COL4A6: variants seen among roughly 807,000 people sequenced by gnomAD.
The protein encoded by COL4A6 is collagen alpha-6(IV) chain.
In COL4A6, 59 loss-of-function variants were observed where a neutral mutation model predicts 126.7. The ratio of observed to expected loss-of-function variants is 0.47; its 90% CI spans 0.38 to 0.58. The LOEUF is 0.58. Among genes scored for constraint, COL4A6 ranks in the 20% least tolerant of loss-of-function variants. The pLI, the probability that COL4A6 is intolerant of heterozygous loss-of-function variation, is 0.00. For missense variants in COL4A6, 1,285 were observed against 1,337.3 expected, an observed-to-expected ratio of 0.96 and a Z score of 0.61; for synonymous variants, 547 against 496.6, an observed-to-expected ratio of 1.10 and a Z score of -1.35.
rs960104278 is a variant in COL4A6 at position 108,190,573 on chromosome X, A to G, written c.1322-77T>C. The G allele has an allele frequency of 1.8e-5, 11 of 594,828 alleles. No individual in the cohort carries two copies. The Admixed American group carries it at 2.3e-4, about 12-fold the overall frequency. The allele number at this position is 594,828 out of a possible 1,213,427, so 49.0% of individuals were successfully genotyped here. ...TTCCCTGACTCAACACAGCAGCTCA[A>G]TCACCAAGGCCCAAGTCCTTGAGGC... On this transcript the variant is annotated intron_variant, in intron 19 of 44. Transcript: ENST00000334504.
intron 3 of COL4A6, among the ~76,000 whole-genome samples, chrX:108,304,406 C>T (rs1293228597): frequency 9.0e-6 from 1 of 111,344 alleles, no homozygotes; most frequent in Non-Finnish European, 1.9e-5. Flanking sequence ...ACAAAGACCC[C>T]TGATTTTCTA....
chrX:108,437,189 T>C (rs1276773597), intron 2 of COL4A6, among the ~76,000 whole-genome samples: 1 of 112,225 alleles, frequency 8.9e-6, no homozygotes, highest in Non-Finnish European at 1.9e-5. Flanking sequence ...CTTTGTGAAA[T>C]TATCCTAGTA....
chrX:108,430,579 A>T (rs1488224778), intron 2 of COL4A6, among the ~76,000 whole-genome samples: 3 of 111,967 alleles, frequency 2.7e-5, no homozygotes. Context: ...AAAACCAGTC[A>T]GGAGGCTACT....
intron 2 of COL4A6, among the ~76,000 whole-genome samples, chrX:108,392,991 G>T (rs2040870825): frequency 8.9e-6 from 1 of 111,998 alleles, no homozygotes; most frequent in Admixed American, 9.5e-5. Flanking sequence ...GATAACAAGT[G>T]CTGACAAAGA....
intron 3 of COL4A6, among the ~76,000 whole-genome samples, chrX:108,269,769 A>G (rs1015959173): frequency 3.6e-5 from 4 of 112,042 alleles, no homozygotes; most frequent in Admixed American, 2.8e-4. Context: ...TCTTTTAAAA[A>G]TCAATTTTTA....
At position 108,323,524 on chromosome X, in the gene COL4A6, CA is replaced by C. The variant is rs1174785013; in HGVS notation, c.64-12697del. Among the ~76,000 whole-genome samples the C allele has an allele frequency of 7.2e-5, 8 of 111,868 alleles. No individual in the cohort carries two copies. In the Admixed American group the frequency reaches 7.6e-4, roughly 11 times the overall value. Reference sequence around the variant, plus strand: ...TTTAAGCATGATATTTAAGGGCACTCAAAATTAGGCTCAACCTACCATTGCA... The same window carrying C: ...TTTAAGCATGATATTTAAGGGCACTCAAATTAGGCTCAACCTACCATTGCA... On this transcript the variant is annotated intron_variant, in intron 2 of 44. Transcript: ENST00000334504.
chrX:108,378,443 T>G (rs777362107), intron 2 of COL4A6, among the ~76,000 whole-genome samples: 4 of 112,272 alleles, frequency 3.6e-5, no homozygotes, highest in Non-Finnish European at 7.5e-5. Context: ...ATTGTATATA[T>G]GAGATACCCT....
In COL4A6 at chrX:108,170,168, G is replaced by A. The variant is rs2034259337; in HGVS notation, c.3494-152C>T. The A allele has an allele frequency of 8.3e-6, 4 of 484,500 alleles. No individual in the cohort carries two copies. In the Admixed American group the frequency reaches 1.5e-4, roughly 18 times the overall value. The allele number at this position is 484,500 out of a possible 1,213,427, so 39.9% of individuals were successfully genotyped here. On this transcript the variant is annotated intron_variant, in intron 35 of 44. Coordinates refer to ENST00000334504, the MANE Select transcript of COL4A6 (RefSeq NM_033641.4). ...ATTTACTTAATGCCCTAAGGGAGAA[G>A]AAAACACTCCCAACCTATATCCTAC...
At chrX:108,436,899 TAATAGTATTTAA>T (rs1251159453) in intron 2 of COL4A6, among the ~76,000 whole-genome samples, 1 of 111,732 alleles carries the variant, frequency 8.9e-6, no homozygotes, top group African/African-American at 3.3e-5. Flanking sequence ...TATGGCCCTA[TAATAGTATTTAA>T]AAATATTTAA....
chrX:108,172,410 G>T, intron 32 of COL4A6, 59 bp downstream of exon 32: 1 of 694,850 alleles, frequency 1.4e-6, no homozygotes, highest in South Asian at 2.8e-5. Context: ...CCTTGGGCCT[G>T]CTAGAAATCT....
intron 2 of COL4A6, among the ~76,000 whole-genome samples, chrX:108,372,677 C>T (rs2040354617): frequency 9.0e-6 from 1 of 111,610 alleles, no homozygotes; most frequent in East Asian, 2.8e-4. Context: ...TAAGGAGGAG[C>T]TAAAGAGTCC....
chrX:108,183,798 A>G, intron 23 of COL4A6: 1 of 900,192 alleles, frequency 1.1e-6, no homozygotes, highest in East Asian at 4.2e-5. Flanking sequence ...GAAGAAGAAA[A>G]TTAAACTAGG....
chrX:108,253,509 GTCT>G (rs2036909190), intron 3 of COL4A6, among the ~76,000 whole-genome samples: 1 of 111,662 alleles, frequency 9.0e-6, no homozygotes, highest in Non-Finnish European at 1.9e-5. Flanking sequence ...TAATATCCTG[GTCT>G]TCTTCTATCA....
At chrX:108,342,226 A>G (rs187135388) in intron 2 of COL4A6, among the ~76,000 whole-genome samples, 28 of 112,492 alleles carry the variant, frequency 2.5e-4, no homozygotes, top group Non-Finnish European at 3.0e-4. Flanking sequence ...TGCTACACAC[A>G]TAAAGCAACC....
chrX:108,210,055 T>C lies in COL4A6; in HGVS notation c.511-51A>G, dbSNP rs770174154. The C allele has an allele frequency of 6.2e-6, 7 of 1,132,390 alleles. No individual in the cohort carries two copies. In the African/African-American group the frequency reaches 1.3e-4, roughly 20 times the overall value. The allele number at this position is 1,132,390 out of a possible 1,213,427, so 93.3% of individuals were successfully genotyped here. On this transcript the variant is annotated intron_variant, in intron 7 of 44. Coordinates refer to ENST00000334504, the MANE Select transcript of COL4A6 (RefSeq NM_033641.4). ...AGAGTTTAATAAATTAAGCCTGCAA[T>C]ATTTCAGATAACTAACCTAACATTT...
chrX:108,231,188 C>T (rs1162477936), intron 3 of COL4A6, among the ~76,000 whole-genome samples: 1 of 112,029 alleles, frequency 8.9e-6, no homozygotes, highest in Non-Finnish European at 1.9e-5. Flanking sequence ...ATCAGAGTCT[C>T]CCCCTCAACA....
At chrX:108,177,334 G>A (rs888033015) in intron 27 of COL4A6, among the ~76,000 whole-genome samples, 7 of 112,217 alleles carry the variant, frequency 6.2e-5, no homozygotes, top group African/African-American at 2.3e-4. Flanking sequence ...TGGAGCTCTA[G>A]GAAGCCAGGG....
chrX:108,174,682 A>C (rs1389896028), intron 30 of COL4A6, 61 bp from the exon 31 acceptor site: 4 of 1,040,599 alleles, frequency 3.8e-6, no homozygotes, highest in Non-Finnish European at 3.9e-6. Flanking sequence ...CAGCTTGCCA[A>C]GATGCAGGTG....
intron 2 of COL4A6, among the ~76,000 whole-genome samples, chrX:108,403,233 G>GCTCTCTCTCTCT (rs59212608): frequency 8.0e-5 from 5 of 62,349 alleles, no homozygotes; most frequent in Admixed American, 4.7e-4. Context: ...GCAAAGATTA[G>GCTCTCTCTCTCT]CTCTCTCTCT....
Sources: allele counts gnomAD v4.1 joint callset (sites outside exome capture counted in the v4.1 genomes callset), GRCh38; gene constraint gnomAD v4.1.1; transcripts MANE v1.5; gene names NCBI Gene and HGNC (gene_info 2026-07-23, HGNC 2026-07-21).